IL1R2: variants seen among roughly 807,000 people sequenced by gnomAD.
IL1R2 encodes interleukin 1 receptor type 2, also known as interleukin-1 receptor type 2.
Under a neutral mutation model 39.5 loss-of-function variants are expected in IL1R2, and 46 were observed. The ratio of observed to expected loss-of-function variants is 1.16; its 90% CI spans 0.92 to 1.49. The LOEUF (loss-of-function observed/expected upper bound fraction) is 1.49, where lower values mean the gene tolerates loss of function less well. Ranked by LOEUF, IL1R2 falls within the 40% of genes most tolerant of loss-of-function variation. IL1R2 has a pLI of 0.00. For missense variants in IL1R2, 537 were observed against 502.0 expected (o/e 1.07, Z -0.67); for synonymous variants, 207 against 189.6 (o/e 1.09, Z -0.75).
Position 102,016,062 on chromosome 2 carries a change from A to T in IL1R2, c.513+11A>T. Reference sequence around the variant, plus strand: ...ATTCAATGGTACAAGGTACGGCTTTAAAAAATGCCATTTTACTAAAATGTG... The same window carrying T: ...ATTCAATGGTACAAGGTACGGCTTTTAAAAATGCCATTTTACTAAAATGTG... On this transcript the variant is annotated intron_variant, in intron 4 of 8. Transcript: ENST00000332549. 1 of 1,581,324 alleles carries T rather than the reference A, an allele frequency of 6.3e-7. No homozygotes were observed. Among genetic ancestry groups the T allele is most frequent in the Non-Finnish European group, 8.6e-7 (1 of 1,161,394 alleles).
chr2:102,016,048 C>G lies in IL1R2; in HGVS notation c.510C>G (p.Tyr170Ter), dbSNP rs1224509461. The part of the protein sequence containing the change: ...RDKTDVKIQW[Y>*]KDSLLLDKDN... The stretch of plus-strand genomic sequence containing the variant: ...AAACTGACGTGAAGATTCAATGGTA[C>G]AAGGTACGGCTTTAAAAAATGCCAT... The change falls in exon 4 of 9, where the codon TAC becomes TAG. Residue 170 changes from tyrosine (Y) to a stop codon, truncating the protein, a stop_gained. Transcript: ENST00000332549. LOFTEE classifies it high-confidence loss of function. 6.3e-7 allele frequency: 1 copy of G among 1,598,124 alleles called. No individual in the cohort carries two copies. The highest frequency in any genetic ancestry group is 8.5e-7 in the Non-Finnish European group (1 of 1,170,138).
intron 3 of IL1R2, among the ~76,000 whole-genome samples, chr2:102,012,142 T>C (rs1676678599): frequency 6.6e-6 from 1 of 152,224 alleles, no homozygotes; most frequent in South Asian, 2.1e-4. Context: ...TGGGAACTAG[T>C]GTTTTGGCCT....
At chr2:102,013,856 T>A (rs1302239694) in intron 3 of IL1R2, among the ~76,000 whole-genome samples, 1 of 152,082 alleles carries the variant, frequency 6.6e-6, no homozygotes, top group Non-Finnish European at 1.5e-5. Context: ...GCCACACATA[T>A]AACTCATGAG....
In IL1R2 at chr2:102,021,782, G is replaced by C. The variant is rs147748419; in HGVS notation, c.689-405G>C. On this transcript the variant is annotated intron_variant, in intron 5 of 8. Transcript: ENST00000332549. ...GCCTTTTCTAGAAGAACTGAGTCTT[G>C]AGTATTTTGTGGCAGGCACTTTGGA... Among the ~76,000 whole-genome samples, 613 of 152,360 alleles carry C rather than the reference G, an allele frequency of 4.0e-3. 6 individuals carry two copies. Among genetic ancestry groups the C allele is most frequent in the African/African-American group, 0.014 (563 of 41,586 alleles).
intron 4 of IL1R2, chr2:102,016,436 A>T (rs1179047751): frequency 6.0e-6 from 1 of 167,084 alleles, no homozygotes; most frequent in Non-Finnish European, 1.3e-5. Context: ...CTGTCTCAAC[A>T]TCATAGTGCA....
In IL1R2 at chr2:102,019,808, C is replaced by T; in HGVS notation, c.684C>T (p.Ile228=). The T allele has an allele frequency of 6.2e-7, 1 of 1,613,118 alleles. No homozygotes were observed. Among genetic ancestry groups the T allele is most frequent in the South Asian group, 1.1e-5 (1 of 90,914 alleles). Residue 228 remains isoleucine (I), a synonymous_variant, in exon 5 of 9, where the codon ATC becomes ATT. Coordinates refer to ENST00000332549, the MANE Select transcript of IL1R2 (RefSeq NM_004633.4). ...YNITRSIELR[I]KKKKEETIPV... is the part of the protein sequence containing the mutation. ...TCACTAGGAGTATTGAGCTACGCAT[C>T]AAGAGTAAGTACTTGCCATTGAGGC...
At chr2:102,015,531 T>G (rs767893689) in intron 3 of IL1R2, among the ~76,000 whole-genome samples, 18 of 152,206 alleles carry the variant, frequency 1.2e-4, no homozygotes, top group Non-Finnish European at 2.6e-4. Context: ...CATCACAACT[T>G]AGCCTAGTCT....
At chr2:102,008,770 G>A in intron 2 of IL1R2, 128 bp downstream of exon 2, 1 of 710,804 alleles carries the variant, frequency 1.4e-6, no homozygotes, top group Non-Finnish European at 2.4e-6. Context: ...CGGCTGTAAT[G>A]TTAGTACTTG....
At chr2:102,026,312 A>G in intron 8 of IL1R2, 59 bp downstream of exon 8, 3 of 1,256,638 alleles carry the variant, frequency 2.4e-6, no homozygotes, top group Non-Finnish European at 3.3e-6. Flanking sequence ...TGTTCCATGG[A>G]TACTAGACAA....
Position 102,008,549 on chromosome 2 carries a change from CGTGTCCTCTGGAAGTTGTCAGGA to C in IL1R2, c.-25_-3del, listed in dbSNP as rs1559417263. 1 of 1,599,868 alleles carries C rather than the reference CGTGTCCTCTGGAAGTTGTCAGGA, an allele frequency of 6.3e-7. No homozygotes were observed. Among genetic ancestry groups the C allele is most frequent in the Non-Finnish European group, 8.6e-7 (1 of 1,167,194 alleles). ...TGCTGGGTCTCAGTCCTCCACTTCC[CGTGTCCTCTGGAAGTTGTCAGGA>C]GCAATGTTGCGCTTGTACGTGTTGG... On this transcript the variant is annotated 5_prime_UTR_variant, in exon 2 of 9. Transcript: ENST00000332549.
intron 1 of IL1R2, among the ~76,000 whole-genome samples, chr2:101,994,316 C>T (rs879357505): frequency 1.3e-5 from 2 of 152,088 alleles, no homozygotes; most frequent in African/African-American, 4.8e-5. Flanking sequence ...CCACGGACCC[C>T]GAGCCCCCCT....
intron 1 of IL1R2, among the ~76,000 whole-genome samples, chr2:102,003,323 T>C (rs1408727938): frequency 6.8e-6 from 1 of 147,350 alleles, no homozygotes; most frequent in Non-Finnish European, 1.5e-5. Context: ...GTCCCATGTC[T>C]GTGTCTGTGT....
chr2:102,009,571 G>A lies in IL1R2; in HGVS notation c.77G>A (p.Arg26Lys). 6.2e-7 allele frequency: 1 copy of A among 1,613,966 alleles called. No homozygotes were observed. Among genetic ancestry groups the A allele is most frequent in the Non-Finnish European group, 8.5e-7 (1 of 1,179,916 alleles). Residue 26 changes from arginine to lysine, a missense_variant, in exon 3 of 9, where the codon AGA becomes AAA. Arg to Lys is a conservative substitution (Grantham distance 26). Transcript: ENST00000332549. Reference sequence around the variant, plus strand: ...GCTCTCTGTCCTTCAGGGGCTGCCAGAAGCTGCCGGTTTCGTGGGAGGCAT... The same window carrying A: ...GCTCTCTGTCCTTCAGGGGCTGCCAAAAGCTGCCGGTTTCGTGGGAGGCAT... The part of the protein sequence containing the change: ...LQPAAHTGAA[R>K]SCRFRGRHYK...
rs1676806626 is a variant in IL1R2 at position 102,013,655 on chromosome 2, C to A, written c.333-2216C>A. ...CTGCTGTAACAAATAGCTCCTAAAT[C>A]TCAGTGGCTTAAAATAACAAGGGCT... On this transcript the variant is annotated intron_variant, in intron 3 of 8. Coordinates refer to ENST00000332549, the MANE Select transcript of IL1R2 (RefSeq NM_004633.4). 1.4e-5 allele frequency among the ~76,000 whole-genome samples: 2 copies of A among 147,144 alleles called. 1 individual carries two copies. Among genetic ancestry groups the A allele is most frequent in the South Asian group, 4.5e-4 (2 of 4,452 alleles).
rs142489461 is a variant in IL1R2 at position 102,026,173 on chromosome 2, G to A, written c.950G>A (p.Arg317Lys). The change falls in exon 8 of 9, where the codon AGA becomes AAA. Residue 317 changes from arginine (R) to lysine (K), a missense_variant. Physicochemically the swap from Arg to Lys is conservative, Grantham distance 26. Coordinates refer to ENST00000332549, the MANE Select transcript of IL1R2 (RefSeq NM_004633.4). The stretch of plus-strand genomic sequence containing the variant: ...CCATTGATTTTTGATCCTGTCACAA[G>A]AGAGGATTTGCACATGGATTTTAAA... ...EVPLIFDPVT[R>K]EDLHMDFKCV... 1.0e-4 allele frequency: 164 copies of A among 1,612,098 alleles called. No individual in the cohort carries two copies. Among genetic ancestry groups the A allele is most frequent in the Non-Finnish European group, 1.3e-4 (155 of 1,178,310 alleles).
At chr2:102,005,939 G>A (rs370307766) in intron 1 of IL1R2, among the ~76,000 whole-genome samples, 6 of 152,062 alleles carry the variant, frequency 3.9e-5, no homozygotes, top group Admixed American at 3.3e-4. Flanking sequence ...GTAAGATCTC[G>A]GCCAGGCCTT....
Position 101,992,087 on chromosome 2 carries a change from A to AAGAG in IL1R2, c.-62+95_-62+98dup, listed in dbSNP as rs36003351. The AAGAG allele has an allele frequency of 9.1e-3, 1,281 of 140,436 alleles. 18 individuals are homozygous for AAGAG. The highest frequency in any genetic ancestry group is 0.029 in the African/African-American group (1,094 of 38,080). 8.7% of individuals were successfully genotyped at this position (140,436 alleles called of 1,614,324 possible). On this transcript the variant is annotated intron_variant, in intron 1 of 8. Coordinates refer to ENST00000332549, the MANE Select transcript of IL1R2 (RefSeq NM_004633.4). ...AGAGAGAGAGGGAGAGAGAGAGAGAAAGAGAGAGAGAGAGAGAGAGAGGGA... is the reference window on the plus strand; with the variant it reads ...AGAGAGAGAGGGAGAGAGAGAGAGAAAGAGAGAGAGAGAGAGAGAGAGAGAGGGA...
intron 4 of IL1R2, among the ~76,000 whole-genome samples, chr2:102,017,318 G>A (rs1010182606): frequency 2.0e-5 from 3 of 151,106 alleles, no homozygotes; most frequent in Non-Finnish European, 4.4e-5. Context: ...AATCACTTGA[G>A]CCCTGGAGGT....
intron 5 of IL1R2, among the ~76,000 whole-genome samples, chr2:102,020,239 C>T (rs901676928): frequency 3.3e-5 from 5 of 152,210 alleles, no homozygotes; most frequent in African/African-American, 1.2e-4. Flanking sequence ...CTTGCACATC[C>T]AGTGGAAATT....
Sources: gnomAD v4.1 joint callset for allele counts (sites outside exome capture counted in the v4.1 genomes callset) on GRCh38, gnomAD v4.1.1 for gene constraint, MANE v1.5 for transcripts, NCBI Gene and HGNC (gene_info 2026-07-23, HGNC 2026-07-21) for gene names.